Variants in GNAT3 observed in about 807,000 individuals in gnomAD.
GNAT3 encodes the protein G protein subunit alpha transducin 3.
In GNAT3, 31 loss-of-function variants were observed where a neutral mutation model predicts 37.7. The ratio of observed to expected loss-of-function variants is 0.82; its 90% confidence interval spans 0.62 to 1.11. The LOEUF is 1.11. GNAT3 is among the 50% of genes most tolerant of loss of function. GNAT3 has a pLI of 0.00. For synonymous variants in GNAT3, 138 were observed against 139.8 expected (o/e 0.99, Z 0.09); for missense variants, 437 against 412.5 (o/e 1.06, Z -0.51).
chr7:80,488,388 A>G, intron 3 of GNAT3, 147 bp downstream of exon 3: 1 of 600,244 alleles, frequency 1.7e-6, no homozygotes, highest in East Asian at 2.8e-5. Context: ...AAGAAATCTT[A>G]CACAAAACAG....
intron 1 of GNAT3, among the ~76,000 whole-genome samples, chr7:80,497,623 T>TATATGC (rs1562732955): frequency 8.7e-6 from 1 of 115,346 alleles, no homozygotes; most frequent in Non-Finnish European, 1.7e-5. Flanking sequence ...TACATATACG[T>TATATGC]ATATACATAT....
In GNAT3 at chr7:80,481,600, A is replaced by T. The variant is rs1185044343; in HGVS notation, c.304-2602T>A. ...TATAAAAGAATAAAAGAAAATAACA[A>T]GAAAATAAAAGCTGTCTTTTGTGGG... is the stretch of plus-strand genomic sequence containing the variant. On this transcript the variant is annotated intron_variant, in intron 3 of 7. Transcript: ENST00000398291. Among the ~76,000 whole-genome samples the T allele has an allele frequency of 2.6e-5, 4 of 152,202 alleles. No homozygotes were observed. The East Asian group carries it at 7.7e-4, about 29-fold the overall frequency.
At chr7:80,467,772 C>T (rs1228879748) in intron 5 of GNAT3, among the ~76,000 whole-genome samples, 1 of 151,854 alleles carries the variant, frequency 6.6e-6, no homozygotes, top group Non-Finnish European at 1.5e-5. Flanking sequence ...ATATTTGCTG[C>T]CCGGAGTTTT....
chr7:80,501,717 C>T (rs1188661247), intron 1 of GNAT3, among the ~76,000 whole-genome samples: 1 of 151,696 alleles, frequency 6.6e-6, no homozygotes, highest in Non-Finnish European at 1.5e-5. Context: ...AGACAATTTT[C>T]TAAATATATT....
intron 2 of GNAT3, among the ~76,000 whole-genome samples, chr7:80,491,019 T>C (rs1174450928): frequency 6.6e-6 from 1 of 152,062 alleles, no homozygotes; most frequent in Non-Finnish European, 1.5e-5. Flanking sequence ...ACAGCAAGGG[T>C]GAAGAGTTGA....
intron 4 of GNAT3, among the ~76,000 whole-genome samples, chr7:80,477,158 G>C (rs973868528): frequency 4.6e-5 from 7 of 152,042 alleles, no homozygotes; most frequent in African/African-American, 1.7e-4. Context: ...TTAAATACTA[G>C]AAAATACAAT....
chr7:80,510,839 A>G (rs1256200552), intron 1 of GNAT3, among the ~76,000 whole-genome samples: 10 of 152,190 alleles, frequency 6.6e-5, no homozygotes, highest in Non-Finnish European at 1.3e-4. Context: ...AATTCATTTA[A>G]TATTAAGTAT....
At chr7:80,494,460 T>C (rs952954437) in intron 2 of GNAT3, 145 bp downstream of exon 2, 3 of 546,280 alleles carry the variant, frequency 5.5e-6, no homozygotes, top group African/African-American at 1.9e-5. Flanking sequence ...ATACAAGGTA[T>C]ATTTGCACAG....
chr7:80,473,262 C>G (rs773840702), intron 5 of GNAT3, among the ~76,000 whole-genome samples: 1 of 152,010 alleles, frequency 6.6e-6, no homozygotes, highest in Admixed American at 6.6e-5. Flanking sequence ...AATTTAGATA[C>G]GAATTTTGAA....
intron 1 of GNAT3, among the ~76,000 whole-genome samples, chr7:80,495,269 A>G (rs1436440800): frequency 6.6e-6 from 1 of 152,138 alleles, no homozygotes; most frequent in Non-Finnish European, 1.5e-5. Flanking sequence ...GCTGGACCAA[A>G]TGGTAGTCCT....
At chr7:80,461,186 A>G (rs1443937672) in intron 7 of GNAT3, among the ~76,000 whole-genome samples, 1 of 152,076 alleles carries the variant, frequency 6.6e-6, no homozygotes, top group Non-Finnish European at 1.5e-5. Flanking sequence ...ATAAAATGCC[A>G]TGGTCCTAGT....
chr7:80,510,793 C>T (rs1422243319), intron 1 of GNAT3, among the ~76,000 whole-genome samples: 1 of 152,084 alleles, frequency 6.6e-6, no homozygotes, highest in South Asian at 2.1e-4. Flanking sequence ...GCAAATTAGA[C>T]ACAACGAAGG....
intron 2 of GNAT3, among the ~76,000 whole-genome samples, chr7:80,491,016 G>T (rs1480142773): frequency 2.6e-5 from 4 of 152,154 alleles, no homozygotes; most frequent in African/African-American, 9.7e-5. Flanking sequence ...TTGACAGCAA[G>T]GGTGAAGAGT....
chr7:80,490,486 T>G (rs1282975047), intron 2 of GNAT3, among the ~76,000 whole-genome samples: 1 of 152,100 alleles, frequency 6.6e-6, no homozygotes, highest in Non-Finnish European at 1.5e-5. Flanking sequence ...AGTGATAAAC[T>G]CTACTAGGTG....
rs371479640 is a variant in GNAT3, at chr7:80,471,235, T to C, written c.590+3016A>G. Among the ~76,000 whole-genome samples the C allele has an allele frequency of 1.7e-3, 259 of 150,534 alleles. 10 individuals are homozygous for C. The South Asian group carries it at 0.05, about 29-fold the overall frequency. ...CCTATATTCTAGCTGTGTTGGCAGC[T>C]GATTAGATTGTGCCCACCCAGATTA... is the stretch of plus-strand genomic sequence containing the variant. On this transcript the variant is annotated intron_variant, in intron 5 of 7. Transcript: ENST00000398291.
At chr7:80,495,422 T>A (rs1220679457) in intron 1 of GNAT3, among the ~76,000 whole-genome samples, 3 of 152,080 alleles carry the variant, frequency 2.0e-5, no homozygotes, top group Non-Finnish European at 2.9e-5. Context: ...AATAGCCATT[T>A]TGACCTGGTG....
At chr7:80,503,875 G>T (rs1263200514) in intron 1 of GNAT3, among the ~76,000 whole-genome samples, 1 of 152,178 alleles carries the variant, frequency 6.6e-6, no homozygotes, top group East Asian at 1.9e-4. Context: ...TCAAAAGAGA[G>T]TATAAGAGAG....
intron 1 of GNAT3, among the ~76,000 whole-genome samples, chr7:80,508,747 C>T (rs539664535): frequency 2.1e-4 from 32 of 152,080 alleles, no homozygotes; most frequent in African/African-American, 5.8e-4. Context: ...ATTGTAAAGT[C>T]GCACTTTGAC....
At chr7:80,474,911 T>G (rs1790279553) in intron 4 of GNAT3, among the ~76,000 whole-genome samples, 1 of 152,150 alleles carries the variant, frequency 6.6e-6, no homozygotes, top group Non-Finnish European at 1.5e-5. Flanking sequence ...ATGTACTAAT[T>G]TGAAGGTTGT....
Sources: allele counts gnomAD v4.1 joint callset (sites outside exome capture counted in the v4.1 genomes callset), GRCh38; gene constraint gnomAD v4.1.1; transcripts MANE v1.5; gene names NCBI Gene and HGNC (gene_info 2026-07-23, HGNC 2026-07-21).